Variants in GRID2 observed in about 807,000 individuals in gnomAD.
GRID2 encodes the protein glutamate receptor ionotropic, delta-2.
A neutral mutation model predicts 114.8 loss-of-function variants in GRID2; 33 were observed. The ratio of observed to expected loss-of-function variants is 0.29; its 90% CI spans 0.22 to 0.38. GRID2 has a LOEUF of 0.38. Among genes scored for constraint, GRID2 ranks in the 10% least tolerant of loss-of-function variants. GRID2 has a pLI of 1.00. For missense variants in GRID2, 1,184 were observed against 1,257.7 expected (o/e 0.94, Z 0.89); for synonymous variants, 505 against 449.9 (o/e 1.12, Z -1.55).
chr4:92,763,634 CAG>C (rs1405807272), intron 2 of GRID2, among the ~76,000 whole-genome samples: 1 of 152,134 alleles, frequency 6.6e-6, no homozygotes, highest in African/African-American at 2.4e-5. Context: ...CACTGCTGGA[CAG>C]AGTAATATGT....
At chr4:93,210,193 T>C (rs966207299) in intron 5 of GRID2, among the ~76,000 whole-genome samples, 2 of 151,904 alleles carry the variant, frequency 1.3e-5, no homozygotes, top group African/African-American at 4.8e-5. Flanking sequence ...TCTAGGTTGT[T>C]TTCCAGGGTT....
At chr4:92,444,198 CA>C (rs1733305412) in intron 1 of GRID2, among the ~76,000 whole-genome samples, 1 of 152,134 alleles carries the variant, frequency 6.6e-6, no homozygotes, top group Admixed American at 6.5e-5. Flanking sequence ...GTCATGGCAC[CA>C]AAATTCATGC....
chr4:93,444,911 G>C (rs1721951082), intron 10 of GRID2, among the ~76,000 whole-genome samples: 1 of 151,938 alleles, frequency 6.6e-6, no homozygotes, highest in African/African-American at 2.4e-5. Context: ...AGGAAATGTA[G>C]CGATGACTGT....
At chr4:92,372,598 G>A (rs1255367262) in intron 1 of GRID2, among the ~76,000 whole-genome samples, 2 of 152,150 alleles carry the variant, frequency 1.3e-5, no homozygotes, top group African/African-American at 4.8e-5. Context: ...ACTCTTGCAT[G>A]TACTGGAAAA....
At chr4:92,327,092 C>T (rs1298973747) in intron 1 of GRID2, among the ~76,000 whole-genome samples, 1 of 152,000 alleles carries the variant, frequency 6.6e-6, no homozygotes, top group East Asian at 1.9e-4. Context: ...AATATTTCTT[C>T]TACTGAGTGG....
chr4:93,243,374 ACAATTG>A (rs1251974309), intron 8 of GRID2, among the ~76,000 whole-genome samples: 1 of 152,028 alleles, frequency 6.6e-6, no homozygotes, highest in Non-Finnish European at 1.5e-5. Context: ...CACCACGCAA[ACAATTG>A]CAATATAGAT....
At chr4:92,484,570 A>C (rs1157640033) in intron 1 of GRID2, among the ~76,000 whole-genome samples, 1 of 152,138 alleles carries the variant, frequency 6.6e-6, no homozygotes, top group Admixed American at 6.6e-5. Context: ...TCAATATTTT[A>C]TGCAAAGCCA....
intron 2 of GRID2, among the ~76,000 whole-genome samples, chr4:92,777,044 AG>A (rs1738835973): frequency 6.6e-6 from 1 of 151,932 alleles, no homozygotes; most frequent in Non-Finnish European, 1.5e-5. Context: ...TAAATTTCTC[AG>A]TGTGGAAGTA....
At chr4:93,229,433 CA>C (rs1745864295) in intron 7 of GRID2, among the ~76,000 whole-genome samples, 1 of 152,072 alleles carries the variant, frequency 6.6e-6, no homozygotes. Flanking sequence ...AAGTTTCCTA[CA>C]GGTGTCAAAT....
intron 11 of GRID2, among the ~76,000 whole-genome samples, chr4:93,458,989 G>A (rs907549042): frequency 2.0e-5 from 3 of 151,844 alleles, no homozygotes; most frequent in Non-Finnish European, 2.9e-5. Flanking sequence ...AGACCAGCCC[G>A]GCCAACATGG....
At chr4:92,631,530 T>A (rs1730808443) in intron 2 of GRID2, among the ~76,000 whole-genome samples, 1 of 152,142 alleles carries the variant, frequency 6.6e-6, no homozygotes, top group Non-Finnish European at 1.5e-5. Context: ...TTTAAATACT[T>A]TCAAATGTTG....
At chr4:93,513,833 A>G (rs1025296406) in intron 12 of GRID2, among the ~76,000 whole-genome samples, 17 of 152,132 alleles carry the variant, frequency 1.1e-4, no homozygotes, top group African/African-American at 1.7e-4. Context: ...TTCCAACACA[A>G]TTTTGTACAT....
chr4:92,952,639 TA>T (rs1186621177), intron 2 of GRID2, among the ~76,000 whole-genome samples: 1 of 152,210 alleles, frequency 6.6e-6, no homozygotes, highest in Non-Finnish European at 1.5e-5. Context: ...GCATAGTGAC[TA>T]AACATAACTG....
chr4:93,568,653 A>G (rs1271737263), intron 13 of GRID2, among the ~76,000 whole-genome samples: 3 of 152,206 alleles, frequency 2.0e-5, no homozygotes, highest in Non-Finnish European at 4.4e-5. Context: ...TAATAAGACA[A>G]TAGTCCTTTA....
chr4:93,704,380 TAG>T (rs895843177), intron 14 of GRID2, among the ~76,000 whole-genome samples: 2 of 152,202 alleles, frequency 1.3e-5, no homozygotes, highest in Non-Finnish European at 2.9e-5. Flanking sequence ...GAGTTCATTG[TAG>T]AGTCTTGATA....
intron 13 of GRID2, among the ~76,000 whole-genome samples, chr4:93,565,309 A>G (rs952646818): frequency 1.2e-4 from 18 of 152,196 alleles, no homozygotes; most frequent in Admixed American, 9.2e-4. Context: ...TTTCATTCAT[A>G]TCAATATCTT....
At chr4:92,877,997 G>T (rs927348342) in intron 2 of GRID2, among the ~76,000 whole-genome samples, 1 of 152,084 alleles carries the variant, frequency 6.6e-6, no homozygotes, top group African/African-American at 2.4e-5. Flanking sequence ...CAATAGCTTT[G>T]CTACAAATAC....
intron 2 of GRID2, among the ~76,000 whole-genome samples, chr4:92,693,275 A>G (rs897480709): frequency 1.3e-5 from 2 of 152,138 alleles, no homozygotes; most frequent in Non-Finnish European, 2.9e-5. Context: ...GATTTTATAA[A>G]TCAACTTGAA....
intron 4 of GRID2, among the ~76,000 whole-genome samples, chr4:93,154,946 A>C (rs1048793803): frequency 6.6e-6 from 1 of 151,850 alleles, no homozygotes; most frequent in East Asian, 1.9e-4. Flanking sequence ...TTACATTTAT[A>C]TTTTTTTGCT....
Sources: gnomAD v4.1 joint callset for allele counts (sites outside exome capture counted in the v4.1 genomes callset) on GRCh38, gnomAD v4.1.1 for gene constraint, MANE v1.5 for transcripts, NCBI Gene and HGNC (gene_info 2026-07-23, HGNC 2026-07-21) for gene names.